The following PPFIA4 variants were observed in gnomAD, a reference collection of about 807,000 sequenced individuals.
The protein encoded by PPFIA4 is liprin-alpha-4.
PPFIA4 carries 98 observed loss-of-function variants against 145.7 expected under a neutral mutation model. The observed-to-expected ratio is 0.67, with a 90% CI of 0.57 to 0.80. PPFIA4 has a LOEUF of 0.80. Ranked by LOEUF, PPFIA4 falls within the 30% of genes least tolerant of loss-of-function variation. The probability of loss-of-function intolerance (pLI) is 0.00; values close to 1 mark genes in which losing one functional copy is unlikely to be tolerated. For synonymous variants in PPFIA4, 628 were observed against 649.6 expected, an observed-to-expected ratio of 0.97 and a Z score of 0.51; for missense variants, 1,457 against 1,632.7, an observed-to-expected ratio of 0.89 and a Z score of 1.85.
rs749362822 is a variant in PPFIA4 at position 203,075,620 on chromosome 1, G to A, written c.3437G>A (p.Arg1146His). The change falls in exon 29 of 30, where the codon CGC (arginine) becomes CAC (histidine). Residue 1146 changes from arginine to histidine, a missense_variant. By Grantham distance (29) the Arg-to-His change is conservative. Transcript: ENST00000295706. This position sits in a 1 kb window ranked among gnomAD's most constrained non-coding sequence, Gnocchi z 4.1. ...VFRRAPSWRKRFRPREHHGRG... is the reference protein window; with the variant it reads ...VFRRAPSWRKHFRPREHHGRG... ...CGCCGCGCGCCCTCCTGGAGGAAGC[G>A]CTTCCGGCCGCGGGAGCACCACGGT... 17 of 1,480,954 alleles carry A rather than the reference G, an allele frequency of 1.1e-5. No individual in the cohort carries two copies. In the South Asian group the frequency reaches 1.9e-4, roughly 17 times the overall value. 91.7% of individuals were successfully genotyped at this position (1,480,954 alleles called of 1,614,324 possible).
At chr1:203,061,495 C>T in intron 23 of PPFIA4, 157 bp from the exon 24 acceptor site, 1 of 708,200 alleles carries the variant, frequency 1.4e-6, no homozygotes, top group East Asian at 3.1e-5. Context: ...CACACACCAA[C>T]CTTGTGTTCT....
In PPFIA4 at chr1:203,060,411, C is replaced by G; in HGVS notation, c.2778C>G (p.Ser926=). The change falls in exon 22 of 30, where the codon TCC becomes TCG. Residue 926 remains serine, a synonymous_variant. Coordinates refer to ENST00000295706, the MANE Select transcript of PPFIA4 (RefSeq NM_001304331.2). The surrounding 1 kb of genome is among the most constrained non-coding windows in gnomAD (Gnocchi z 4.8). ...CCAGCCCCTCTGCCCCACCCACCTC[C>G]AGGACTGTGAGTGGCCCCTCCTTTG... The part of the protein sequence containing the change: ...SLTSPSAPPT[S]RTSSGNVWVT... The G allele has an allele frequency of 6.2e-7, 1 of 1,613,144 alleles. No individual in the cohort carries two copies. The highest frequency in any genetic ancestry group is 1.1e-5 in the South Asian group (1 of 91,080).
At chr1:203,027,631 C>T (rs982044311) in intron 1 of PPFIA4, among the ~76,000 whole-genome samples, 68 of 152,304 alleles carry the variant, frequency 4.5e-4, no homozygotes, top group African/African-American at 1.6e-3. Flanking sequence ...TCCCATAGTC[C>T]TTTCCAGAGT....
intron 24 of PPFIA4, chr1:203,063,012 T>A (rs929511595): frequency 6.6e-6 from 1 of 152,250 alleles, no homozygotes; most frequent in Non-Finnish European, 1.5e-5. Flanking sequence ...ATGGGCACAT[T>A]ACATATAGTC....
rs772858556 is a variant in PPFIA4 at position 203,063,932 on chromosome 1, C to T, written c.2979C>T (p.Asp993=). The T allele has an allele frequency of 1.4e-5, 22 of 1,613,954 alleles. No homozygotes were observed. The highest frequency in any genetic ancestry group is 6.7e-5 in the East Asian group (3 of 44,894). ...YRSYFMECLV[D]ARMLDHLTKK... ...GCTACTTCATGGAGTGCCTGGTGGA[C>T]GCCCGCATGCTGGACCACCTCACCA... The change falls in exon 25 of 30, where the codon GAC becomes GAT. Residue 993 remains aspartate (D), a synonymous_variant. Transcript: ENST00000295706.
In PPFIA4 at chr1:203,044,756, G is replaced by A. The variant is rs1325435804; in HGVS notation, c.637G>A (p.Val213Met). 2 of 1,566,162 alleles carry A rather than the reference G, an allele frequency of 1.3e-6. No individual in the cohort carries two copies. Among genetic ancestry groups the A allele is most frequent in the Non-Finnish European group, 1.7e-6 (2 of 1,155,624 alleles). The change falls in exon 6 of 30, where the codon GTG (valine) becomes ATG (methionine). Residue 213 changes from valine (V) to methionine (M), a missense_variant. Coordinates refer to ENST00000295706, the MANE Select transcript of PPFIA4 (RefSeq NM_001304331.2). Reference protein sequence around the residue: ...RDGAAEEEGTVELGPKRLWKE... With the variant: ...RDGAAEEEGTMELGPKRLWKE... ...TGGAGCGGCAGAAGAGGAGGGGACT[G>A]TGGAGCTGGGGCCGAAACGCCTGTG... is the stretch of plus-strand genomic sequence containing the variant.
Position 203,044,063 on chromosome 1 carries a change from CTGTT to C in PPFIA4, c.472_475del (p.Phe158SerfsTer70), listed in dbSNP as rs1270131016. ...GGAGGTGCTGAAGGCCCTCAAGTCA[CTGTT>C]TGAGCACCACAAGGCCCTGGATGAG... On this transcript the variant is annotated frameshift_variant, in exon 4 of 30. Transcript: ENST00000295706. LOFTEE classifies it high-confidence loss of function. 10 of 1,608,464 alleles carry C rather than the reference CTGTT, an allele frequency of 6.2e-6. No homozygotes were observed. The highest frequency in any genetic ancestry group is 1.7e-5 in the Admixed American group (1 of 59,540).
In PPFIA4 at chr1:203,048,256, G is replaced by A. The variant is rs941529572; in HGVS notation, c.1170G>A (p.Glu390=). The A allele has an allele frequency of 3.1e-6, 5 of 1,612,874 alleles. No homozygotes were observed. Among genetic ancestry groups the A allele is most frequent in the Non-Finnish European group, 4.2e-6 (5 of 1,179,864 alleles). ...KAEERHGNIE[E]HLRQLEGQLE... is the part of the protein sequence containing the mutation. ...AAGAACGGCATGGCAACATTGAGGA[G>A]CACCTGCGGCAGCTGGAGGGACAGC... is the stretch of plus-strand genomic sequence containing the variant. Residue 390 remains glutamate, a synonymous_variant, in exon 10 of 30, where the codon GAG becomes GAA. Coordinates refer to ENST00000295706, the MANE Select transcript of PPFIA4 (RefSeq NM_001304331.2). This position sits in a 1 kb window ranked among gnomAD's most constrained non-coding sequence, Gnocchi z 5.8.
intron 9 of PPFIA4, among the ~76,000 whole-genome samples, chr1:203,046,676 T>TTA (rs1558076052): frequency 6.6e-6 from 1 of 151,522 alleles, no homozygotes; most frequent in Non-Finnish European, 1.5e-5. Context: ...TTTTTTTTTT[T>TTA]AATCCTCTAC....
chr1:203,054,164 C>A, intron 15 of PPFIA4: 1 of 715,572 alleles, frequency 1.4e-6, no homozygotes. Flanking sequence ...CAGGCTTCAC[C>A]TCCCCTCTCA....
At position 203,039,122 on chromosome 1, in the gene PPFIA4, G is replaced by C. The variant is rs528046095; in HGVS notation, c.114G>C (p.Glu38Asp). 1 of 1,607,968 alleles carries C rather than the reference G, an allele frequency of 6.2e-7. No homozygotes were observed. Among genetic ancestry groups the C allele is most frequent in the Non-Finnish European group, 8.5e-7 (1 of 1,177,534 alleles). The change falls in exon 2 of 30, where the codon GAG (glutamate) becomes GAC (aspartate). Residue 38 changes from glutamate (E) to aspartate (D), a missense_variant. Physicochemically the swap from Glu to Asp is conservative, Grantham distance 45. Transcript: ENST00000295706. ...QLMVNMLDEREKLLESLRESQ... is the reference protein window; with the variant it reads ...QLMVNMLDERDKLLESLRESQ... ...TGGTGAACATGCTGGACGAGCGGGA[G>C]AAGTTGCTGGAGTCTCTTCGGGAGA...
intron 1 of PPFIA4, chr1:203,035,402 GA>G: frequency 2.3e-6 from 1 of 437,046 alleles, no homozygotes; most frequent in Non-Finnish European, 4.7e-6. Flanking sequence ...TGTGTGTTAG[GA>G]AAAGGTGGGG....
Position 203,048,348 on chromosome 1 carries a change from C to T in PPFIA4, c.1224+38C>T, listed in dbSNP as rs1285653780. ...GGCCGGGCCCTCAGGCCCCCTCCTT[C>T]CCGCAGGACAGGCTCCCAGGGCGGT... On this transcript the variant is annotated intron_variant, in intron 10 of 29. Coordinates refer to ENST00000295706, the MANE Select transcript of PPFIA4 (RefSeq NM_001304331.2). This position sits in a 1 kb window ranked among gnomAD's most constrained non-coding sequence, Gnocchi z 5.8. 1 of 1,598,412 alleles carries T rather than the reference C, an allele frequency of 6.3e-7. No individual in the cohort carries two copies. The highest frequency in any genetic ancestry group is 8.5e-7 in the Non-Finnish European group (1 of 1,171,796).
At chr1:203,047,044 T>C (rs896024794) in intron 9 of PPFIA4, among the ~76,000 whole-genome samples, 1 of 152,148 alleles carries the variant, frequency 6.6e-6, no homozygotes, top group Non-Finnish European at 1.5e-5. Flanking sequence ...CAAAATAATT[T>C]AGGAGCGTTT....
intron 9 of PPFIA4, among the ~76,000 whole-genome samples, chr1:203,047,051 G>T (rs778652929): frequency 6.6e-5 from 10 of 152,212 alleles, no homozygotes; most frequent in Non-Finnish European, 1.5e-4. Flanking sequence ...ATTTAGGAGC[G>T]TTTTCAGCTG....
chr1:203,031,707 A>G (rs1414491532), intron 1 of PPFIA4, among the ~76,000 whole-genome samples: 1 of 152,208 alleles, frequency 6.6e-6, no homozygotes, highest in Non-Finnish European at 1.5e-5. Flanking sequence ...TTTGTCCCAC[A>G]TGGATCCCTA....
rs1246781287 is a variant in PPFIA4, at chr1:203,075,801, G to A, written c.3574+44G>A. The A allele has an allele frequency of 7.4e-6, 10 of 1,346,046 alleles. No homozygotes were observed. The highest frequency in any genetic ancestry group is 1.5e-5 in the African/African-American group (1 of 65,026). 83.4% of individuals were successfully genotyped at this position (1,346,046 alleles called of 1,614,324 possible). On this transcript the variant is annotated intron_variant, in intron 29 of 29. Coordinates refer to ENST00000295706, the MANE Select transcript of PPFIA4 (RefSeq NM_001304331.2). This position sits in a 1 kb window ranked among gnomAD's most constrained non-coding sequence, Gnocchi z 4.1. ...GGGCATGGCCGAGGCCCAGCCGAGC[G>A]CGGGCTTCTTCCTGGCACCCCAGGG...
intron 7 of PPFIA4, 58 bp from the exon 8 acceptor site, chr1:203,045,783 G>A: frequency 6.2e-7 from 1 of 1,610,708 alleles, no homozygotes; most frequent in Non-Finnish European, 8.5e-7. Flanking sequence ...GGGAGGTGTA[G>A]ACAGGATGGG....
chr1:203,043,163 G>T lies in PPFIA4; in HGVS notation c.235-234G>T, dbSNP rs959537496. ...CTTTCTCACTCTTGTGTACAACTCT[G>T]TTCCCTTGGATTCTAACACATGGAA... is the stretch of plus-strand genomic sequence containing the variant. On this transcript the variant is annotated intron_variant, in intron 2 of 29. Transcript: ENST00000295706. The surrounding 1 kb of genome is among the most constrained non-coding windows in gnomAD (Gnocchi z 4.4). Among the ~76,000 whole-genome samples, 3 of 152,220 alleles carry T rather than the reference G, an allele frequency of 2.0e-5. No individual in the cohort carries two copies. The highest frequency in any genetic ancestry group is 4.4e-5 in the Non-Finnish European group (3 of 68,042).
Sources: allele counts gnomAD v4.1 joint callset (sites outside exome capture counted in the v4.1 genomes callset), GRCh38; gene constraint gnomAD v4.1.1; non-coding constraint Gnocchi (gnomAD v3.1); transcripts MANE v1.5; gene names NCBI Gene and HGNC (gene_info 2026-07-23, HGNC 2026-07-21).